The following SMG6 variants were observed in gnomAD, a reference collection of about 807,000 sequenced individuals.
SMG6 encodes telomerase-binding protein EST1A.
A neutral mutation model predicts 142.2 loss-of-function variants in SMG6; 66 were observed. That is an observed-to-expected ratio of 0.46 (90% CI 0.38 to 0.57). SMG6 has a LOEUF of 0.57. Ranked by LOEUF, SMG6 falls within the 20% of genes least tolerant of loss-of-function variation. The probability of loss-of-function intolerance (pLI) is 0.00; values close to 1 mark genes in which losing one functional copy is unlikely to be tolerated. For synonymous variants in SMG6, 779 were observed against 702.4 expected (o/e 1.11, Z -1.72); for missense variants, 1,793 against 1,832.0 (o/e 0.98, Z 0.39).
chr17:2,184,831 G>T (rs1292313282), intron 12 of SMG6, among the ~76,000 whole-genome samples: 1 of 148,012 alleles, frequency 6.8e-6, no homozygotes, highest in Admixed American at 6.7e-5. Context: ...CGGGTGTGGT[G>T]GCAGGTGCCT....
chr17:2,139,886 C>T (rs1200956907), intron 13 of SMG6, among the ~76,000 whole-genome samples: 4 of 151,750 alleles, frequency 2.6e-5, no homozygotes, highest in South Asian at 2.1e-4. Context: ...CCACCATACC[C>T]GGCTAATTTT....
chr17:2,252,481 G>C (rs1426285133), intron 8 of SMG6, among the ~76,000 whole-genome samples: 1 of 152,214 alleles, frequency 6.6e-6, no homozygotes, highest in Non-Finnish European at 1.5e-5. Context: ...ACTGGGGGAA[G>C]GAATATGACA....
chr17:2,270,661 G>T (rs1458283744), intron 8 of SMG6, among the ~76,000 whole-genome samples: 1 of 152,192 alleles, frequency 6.6e-6, no homozygotes, highest in Non-Finnish European at 1.5e-5. Context: ...TCACTCCTCT[G>T]TGTGATCTCT....
intron 13 of SMG6, among the ~76,000 whole-genome samples, chr17:2,120,030 A>G (rs931383516): frequency 2.0e-5 from 3 of 149,824 alleles, no homozygotes; most frequent in Admixed American, 2.0e-4. Context: ...CTGGTCTTGA[A>G]CTCCTGGCCT....
chr17:2,075,171 A>G (rs1049747223), intron 15 of SMG6, among the ~76,000 whole-genome samples: 1 of 152,144 alleles, frequency 6.6e-6, no homozygotes, highest in African/African-American at 2.4e-5. Flanking sequence ...GCTTCCATAC[A>G]GGTGTGGGGG....
intron 8 of SMG6, among the ~76,000 whole-genome samples, chr17:2,260,437 G>C (rs562803620): frequency 1.3e-5 from 2 of 152,178 alleles, no homozygotes; most frequent in Non-Finnish European, 2.9e-5. Flanking sequence ...AGTTTTTTTG[G>C]TCAATCAAAT....
At chr17:2,106,615 C>A (rs1237651955) in intron 13 of SMG6, among the ~76,000 whole-genome samples, 1 of 151,966 alleles carries the variant, frequency 6.6e-6, no homozygotes, top group African/African-American at 2.4e-5. Context: ...GTCACAAGGG[C>A]AAAATTAACC....
chr17:2,102,035 T>C (rs1390022065), intron 13 of SMG6, among the ~76,000 whole-genome samples: 1 of 152,164 alleles, frequency 6.6e-6, no homozygotes, highest in African/African-American at 2.4e-5. Flanking sequence ...GGTGCACTCC[T>C]CCTGGGTGGG....
intron 8 of SMG6, among the ~76,000 whole-genome samples, chr17:2,275,797 T>G (rs965766259): frequency 6.6e-6 from 1 of 152,102 alleles, no homozygotes; most frequent in Non-Finnish European, 1.5e-5. Flanking sequence ...AGTTGAAATG[T>G]GAATCTCAAT....
chr17:2,251,876 C>T (rs1293022091), intron 8 of SMG6, among the ~76,000 whole-genome samples: 2 of 151,576 alleles, frequency 1.3e-5, no homozygotes, highest in African/African-American at 4.9e-5. Context: ...CCGAGGCGGG[C>T]GGATCACCTG....
At chr17:2,127,837 G>C (rs539321860) in intron 13 of SMG6, 1 of 551,940 alleles carries the variant, frequency 1.8e-6, no homozygotes, top group East Asian at 4.7e-5. Flanking sequence ...CACAGTCTGA[G>C]ACATTATTTG....
intron 13 of SMG6, among the ~76,000 whole-genome samples, chr17:2,149,928 T>C (rs1313804858): frequency 6.6e-6 from 1 of 152,208 alleles, no homozygotes; most frequent in Non-Finnish European, 1.5e-5. Flanking sequence ...CAGAACTGCC[T>C]GTTCATTCAT....
At chr17:2,149,349 CAAAAAAAAAAAA>C (rs1178295829) in intron 13 of SMG6, among the ~76,000 whole-genome samples, 1 of 71,102 alleles carries the variant, frequency 1.4e-5, no homozygotes, top group Non-Finnish European at 2.7e-5. Context: ...GATTCCCCCT[CAAAAAAAAAAAA>C]AAAAAAAAAA....
intron 8 of SMG6, among the ~76,000 whole-genome samples, chr17:2,252,112 GA>G (rs1030763035): frequency 2.2e-4 from 32 of 143,922 alleles, no homozygotes; most frequent in Non-Finnish European, 4.1e-4. Context: ...GAAAAAAAAG[GA>G]AAAAAAAGAA....
chr17:2,294,558 T>C lies in SMG6; in HGVS notation c.2152-1581A>G, dbSNP rs529652838. On this transcript the variant is annotated intron_variant, in intron 4 of 18. Coordinates refer to ENST00000263073, the MANE Select transcript of SMG6 (RefSeq NM_017575.5). Reference sequence around the variant, plus strand: ...TCCACTTCAGGGCCTTTAAGTATATTGTCCTCTTCCCCTAAAATGTTCCTC... The same window carrying C: ...TCCACTTCAGGGCCTTTAAGTATATCGTCCTCTTCCCCTAAAATGTTCCTC... Among the ~76,000 whole-genome samples the C allele has an allele frequency of 2.0e-5, 3 of 152,302 alleles. No individual in the cohort carries two copies. In the East Asian group the frequency reaches 5.8e-4, roughly 29 times the overall value.
At chr17:2,162,517 G>GA (rs56092903) in intron 13 of SMG6, among the ~76,000 whole-genome samples, 692 of 60,632 alleles carry the variant, frequency 0.011, 27 homozygotes, top group Non-Finnish European at 0.014. Flanking sequence ...CCCCATCTCA[G>GA]AAAAAAAAAA....
intron 13 of SMG6, among the ~76,000 whole-genome samples, chr17:2,161,851 G>A (rs977977947): frequency 6.6e-6 from 1 of 152,174 alleles, no homozygotes. Flanking sequence ...TTCAGTCTGA[G>A]CATTCTATTC....
At chr17:2,292,658 G>C in intron 5 of SMG6, 28 bp from the exon 6 acceptor site, 1 of 1,611,138 alleles carries the variant, frequency 6.2e-7, no homozygotes. Context: ...GTAAGAAAAT[G>C]CTAGTTCCAG....
intron 10 of SMG6, among the ~76,000 whole-genome samples, chr17:2,202,382 C>G (rs1000965022): frequency 1.3e-5 from 2 of 152,012 alleles, no homozygotes; most frequent in Non-Finnish European, 2.9e-5. Flanking sequence ...GACCCTACCT[C>G]TAGCAGAAAA....
Sources: allele counts gnomAD v4.1 joint callset (sites outside exome capture counted in the v4.1 genomes callset), GRCh38; gene constraint gnomAD v4.1.1; transcripts MANE v1.5; gene names NCBI Gene and HGNC (gene_info 2026-07-23, HGNC 2026-07-21).